Variants in PRRC2B observed in about 807,000 individuals in gnomAD.
PRRC2B encodes proline rich coiled-coil 2B.
Under a neutral mutation model 242.3 loss-of-function variants are expected in PRRC2B, and 68 were observed. That is an observed-to-expected ratio of 0.28 (90% CI 0.23 to 0.34). The LOEUF (loss-of-function observed/expected upper bound fraction) is 0.34. Among genes scored for constraint, PRRC2B ranks in the 10% least tolerant of loss-of-function variants. The pLI is 1.00. For missense variants in PRRC2B, 2,835 were observed against 2,954.8 expected, an observed-to-expected ratio of 0.96 and a Z score of 0.94; for synonymous variants, 1,228 against 1,173.6, an observed-to-expected ratio of 1.05 and a Z score of -0.95.
At chr9:131,449,349 A>C (rs74333146) in intron 9 of PRRC2B, among the ~76,000 whole-genome samples, 256 of 151,026 alleles carry the variant, frequency 1.7e-3, no homozygotes, top group Non-Finnish European at 2.5e-3. Flanking sequence ...TGGATCTTAC[A>C]TTTTGGTGTT....
At chr9:131,481,181 G>T (rs1943851184) in intron 19 of PRRC2B, among the ~76,000 whole-genome samples, 2 of 151,580 alleles carry the variant, frequency 1.3e-5, no homozygotes, top group Admixed American at 1.3e-4. Context: ...GTGGTGGCGG[G>T]CACCTATAGT....
At chr9:131,389,385 A>G (rs182526841), upstream of PRRC2B, among the ~76,000 whole-genome samples, 177 of 133,644 alleles carry the variant, frequency 1.3e-3, 10 homozygotes, top group Middle Eastern at 5.6e-3. Context: ...TCACACTCCC[A>G]ACCTCAGGCA....
chr9:131,444,353 C>G, intron 6 of PRRC2B, 25 bp downstream of exon 6: 1 of 1,603,830 alleles, frequency 6.2e-7, no homozygotes, highest in Non-Finnish European at 8.5e-7. Context: ...CCTCTGGGCA[C>G]TCGATGGAGT....
At chr9:131,385,713 A>T (rs546200341) in intron 1 of PRRC2B, among the ~76,000 whole-genome samples, 1 of 150,478 alleles carries the variant, frequency 6.6e-6, no homozygotes, top group African/African-American at 2.4e-5. Flanking sequence ...CTTTTTTTTG[A>T]GGCGGAGTCT....
chr9:131,422,244 G>A lies in PRRC2B; in HGVS notation c.-51-7850G>A, dbSNP rs561737153. On this transcript the variant is annotated intron_variant, in intron 1 of 31. Transcript: ENST00000683519. ...TAAATTTTGTATTTTTAGTAGAGAC[G>A]GGGTTTCACCATGTTGGCCAGCATG... 5.3e-5 allele frequency among the ~76,000 whole-genome samples: 8 copies of A among 152,076 alleles called. 1 individual carries two copies. The East Asian group carries it at 7.7e-4, about 15-fold the overall frequency.
chr9:131,392,917 CA>C (rs11317627), upstream of PRRC2B, among the ~76,000 whole-genome samples: 19,457 of 91,588 alleles, frequency 0.21, 1,624 homozygotes, highest in African/African-American at 0.4. Flanking sequence ...GAGACTGTCT[CA>C]AAAAAAAAAA....
chr9:131,478,774 C>A (rs999289423), intron 18 of PRRC2B, among the ~76,000 whole-genome samples, 155 bp downstream of exon 18: 1 of 152,090 alleles, frequency 6.6e-6, no homozygotes, highest in African/African-American at 2.4e-5. Flanking sequence ...TCTCCCCGTT[C>A]CTGCTATTAC....
chr9:131,493,697 A>G (rs1944255361), intron 30 of PRRC2B, among the ~76,000 whole-genome samples: 1 of 152,242 alleles, frequency 6.6e-6, no homozygotes, highest in African/African-American at 2.4e-5. Context: ...TTCTGGAAAT[A>G]GAGCTGCTGA....
At chr9:131,486,393 G>C (rs1168632687) in intron 26 of PRRC2B, 1 of 708,160 alleles carries the variant, frequency 1.4e-6, no homozygotes, top group Non-Finnish European at 1.7e-6. Context: ...GGCTGCTCCA[G>C]ACTCTGCTTA....
intron 26 of PRRC2B, 30 bp downstream of exon 26, chr9:131,486,212 G>T: frequency 1.4e-6 from 2 of 1,450,858 alleles, no homozygotes; most frequent in Non-Finnish European, 1.9e-6. Flanking sequence ...TGGCCTGGCT[G>T]GGGGTGGTGG....
intron 9 of PRRC2B, among the ~76,000 whole-genome samples, chr9:131,448,539 GTC>G (rs1838881207): frequency 1.8e-4 from 2 of 11,330 alleles, no homozygotes; most frequent in Admixed American, 8.8e-4. Context: ...GGGAGACACT[GTC>G]TCAAAAAAAA....
chr9:131,470,912 C>T lies in PRRC2B; in HGVS notation c.2036C>T (p.Ser679Phe). The T allele has an allele frequency of 6.2e-7, 1 of 1,609,168 alleles. No homozygotes were observed. Among genetic ancestry groups the T allele is most frequent in the Non-Finnish European group, 8.5e-7 (1 of 1,177,068 alleles). ...GFDPRWMMMP[S>F]YMDPRITPTR... ...GATCCCAGGTGGATGATGATGCCTT[C>T]CTACATGGACCCACGTATCACGCCC... The change falls in exon 14 of 32, where the codon TCC becomes TTC. Residue 679 changes from serine to phenylalanine, a missense_variant. Physicochemically the swap from Ser to Phe is radical, Grantham distance 155 (BLOSUM62 -2). Transcript: ENST00000683519.
Position 131,486,159 on chromosome 9 carries a change from C to T in PRRC2B, c.5833C>T (p.Pro1945Ser), listed in dbSNP as rs202229666. ...GCCCCGGCTGGTTCCTCAAACGATA[C>T]CTCAGCAGCAGAGTTACCAACAGGT... ...SQPRLVPQTI[P>S]QQQSYQQAAA... The change falls in exon 26 of 32, where the codon CCT (proline) becomes TCT (serine). Residue 1945 changes from proline to serine, a missense_variant. Pro to Ser is a moderately conservative substitution (Grantham distance 74). This residue lies in a region of PRRC2B where 574 missense variants were observed against 626.0 expected (regional missense o/e 0.92). Coordinates refer to ENST00000683519, the MANE Select transcript of PRRC2B (RefSeq NM_013318.4). 3.7e-6 allele frequency: 6 copies of T among 1,611,792 alleles called. No homozygotes were observed. Among genetic ancestry groups the T allele is most frequent in the Admixed American group, 1.7e-5 (1 of 59,756 alleles).
At chr9:131,481,491 T>C (rs998335737) in intron 19 of PRRC2B, among the ~76,000 whole-genome samples, 1 of 151,872 alleles carries the variant, frequency 6.6e-6, no homozygotes, top group Admixed American at 6.6e-5. Context: ...ATCCATGAGA[T>C]GTTGAGAAAC....
At position 131,475,808 on chromosome 9, in the gene PRRC2B, T is replaced by A. The variant is rs1028182019; in HGVS notation, c.3679T>A (p.Trp1227Arg). ...CTTCGTCTCCAAAGAGTCACCCCAC[T>A]GGCAGAGCAAAAGTCCAGGCAGCTC... ...RTFVSKESPH[W>R]QSKSPGSSWQ... is the part of the protein sequence containing the mutation. The change falls in exon 16 of 32, where the codon TGG becomes AGG. Residue 1227 changes from tryptophan (W) to arginine (R), a missense_variant. This residue lies in a region of PRRC2B where 1,536 missense variants were observed against 1,483.1 expected (regional missense o/e 1.04). Transcript: ENST00000683519. The A allele has an allele frequency of 3.7e-6, 6 of 1,612,748 alleles. No individual in the cohort carries two copies. The African/African-American group carries it at 8.0e-5, about 22-fold the overall frequency.
chr9:131,420,984 A>G (rs1370063042), intron 1 of PRRC2B, among the ~76,000 whole-genome samples: 1 of 152,236 alleles, frequency 6.6e-6, no homozygotes, highest in Non-Finnish European at 1.5e-5. Flanking sequence ...ACCAGAAGGC[A>G]GCAAACTGCA....
rs113686805 is a variant in PRRC2B at position 131,466,707 on chromosome 9, C to A, written c.1721-856C>A. The stretch of plus-strand genomic sequence containing the variant: ...TGGTGTGATCTCACTGCAACCTCTG[C>A]CTCCTGGGTTCAAGCGATTCTCTCA... On this transcript the variant is annotated intron_variant, in intron 12 of 31. Coordinates refer to ENST00000683519, the MANE Select transcript of PRRC2B (RefSeq NM_013318.4). 3.6e-3 allele frequency among the ~76,000 whole-genome samples: 548 copies of A among 152,174 alleles called. 4 individuals are homozygous for A. Among genetic ancestry groups the A allele is most frequent in the African/African-American group, 0.013 (524 of 41,520 alleles).
chr9:131,433,897 G>C (rs1050262558), intron 3 of PRRC2B, among the ~76,000 whole-genome samples: 4 of 152,112 alleles, frequency 2.6e-5, no homozygotes, highest in African/African-American at 9.7e-5. Context: ...ATCAAAATAG[G>C]GCCTTAGAAG....
intron 13 of PRRC2B, 135 bp downstream of exon 13, chr9:131,467,888 T>A: frequency 1.2e-6 from 1 of 849,136 alleles, no homozygotes; most frequent in Non-Finnish European, 1.8e-6. Flanking sequence ...CCAAGACCAG[T>A]GGGGACGTCA....
Sources: allele counts gnomAD v4.1 joint callset (sites outside exome capture counted in the v4.1 genomes callset), GRCh38; gene constraint gnomAD v4.1.1; regional missense constraint gnomAD v4.1.1; transcripts MANE v1.5; gene names NCBI Gene and HGNC (gene_info 2026-07-23, HGNC 2026-07-21).